LARP7: variants seen among roughly 807,000 people sequenced by gnomAD.
The protein encoded by LARP7 is la-related protein 7.
LARP7 carries 52 observed loss-of-function variants against 69.3 expected under a neutral mutation model. That is an observed-to-expected ratio of 0.75 (90% CI 0.60 to 0.95). The LOEUF is 0.95. Ranked by LOEUF, LARP7 falls within the 40% of genes least tolerant of loss-of-function variation. The pLI is 0.00. For synonymous variants in LARP7, 254 were observed against 215.9 expected, an observed-to-expected ratio of 1.18 and a Z score of -1.55; for missense variants, 733 against 673.0, an observed-to-expected ratio of 1.09 and a Z score of -0.99.
chr4:112,647,219 A>G lies in LARP7; in HGVS notation c.667A>G (p.Lys223Glu). Residue 223 changes from lysine (K) to glutamate (E), a missense_variant, in exon 7 of 13, where the codon AAG (lysine) becomes GAG (glutamate). Coordinates refer to ENST00000344442, the MANE Select transcript of LARP7 (RefSeq NM_016648.4). Reference sequence around the variant, plus strand: ...TACAGAAGAGAAGAAAAAGAAAAAGAAGAAGAAAGGCCGAATGAAAAAGGA... The same window carrying G: ...TACAGAAGAGAAGAAAAAGAAAAAGGAGAAGAAAGGCCGAATGAAAAAGGA... ...RVVEEKKKKK[K>E]KKGRMKKEDN... is the part of the protein sequence containing the mutation. The G allele has an allele frequency of 6.3e-7, 1 of 1,591,810 alleles. No homozygotes were observed. The highest frequency in any genetic ancestry group is 1.9e-5 in the Admixed American group (1 of 53,180).
At chr4:112,647,885 G>GTCATTGGCTTAACAATCCATCAC (rs751269136) in intron 8 of LARP7, 51 bp downstream of exon 8, 1 of 1,301,772 alleles carries the variant, frequency 7.7e-7, no homozygotes, top group African/African-American at 1.5e-5. Flanking sequence ...CATCACCATT[G>GTCATTGGCTTAACAATCCATCAC]CTAAAGTGCA....
Position 112,646,321 on chromosome 4 carries a change from CTAACATATTAACTTTTTCATTTTCTT to C in LARP7, c.203-27_203-2del. 1.8e-6 allele frequency: 2 copies of C among 1,112,522 alleles called. No homozygotes were observed. The highest frequency in any genetic ancestry group is 2.7e-6 in the Non-Finnish European group (2 of 741,804). The allele number at this position is 1,112,522 out of a possible 1,614,324, so 68.9% of individuals were successfully genotyped here. On this transcript the variant is annotated splice_region_variant and splice_polypyrimidine_tract_variant and intron_variant, in intron 2 of 12. Transcript: ENST00000344442. ...AAATTGAATTAATCCTGCTGATACA[CTAACATATTAACTTTTTCATTTTCTT>C]TAGATGTTGATATATCACTACTTGT...
chr4:112,641,698 T>C (rs1427889516), intron 1 of LARP7, among the ~76,000 whole-genome samples: 1 of 152,210 alleles, frequency 6.6e-6, no homozygotes, highest in African/African-American at 2.4e-5. Flanking sequence ...ATTTTAAGGC[T>C]TTTGCCTTTT....
chr4:112,651,534 CAG>C (rs747738728), intron 10 of LARP7, among the ~76,000 whole-genome samples: 12 of 152,284 alleles, frequency 7.9e-5, no homozygotes, highest in Admixed American at 2.0e-4. Context: ...AAAAATTGCT[CAG>C]AGTTATTTCT....
chr4:112,652,625 A>G (rs2048797149), intron 10 of LARP7, among the ~76,000 whole-genome samples: 1 of 152,034 alleles, frequency 6.6e-6, no homozygotes, highest in African/African-American at 2.4e-5. Context: ...TGTTATTAAA[A>G]GTGGAATGAT....
At chr4:112,644,232 A>C in intron 1 of LARP7, 1 of 199,570 alleles carries the variant, frequency 5.0e-6, no homozygotes, top group Non-Finnish European at 9.7e-6. Context: ...ACAAAAGGGA[A>C]ACTGTCTCCA....
At chr4:112,642,604 C>T (rs573852809) in intron 1 of LARP7, among the ~76,000 whole-genome samples, 1 of 152,346 alleles carries the variant, frequency 6.6e-6, no homozygotes, top group African/African-American at 2.4e-5. Flanking sequence ...GCAAATACTG[C>T]TTACCAAAGA....
At chr4:112,639,246 G>GC (rs2047855656) in intron 1 of LARP7, among the ~76,000 whole-genome samples, 1 of 130,728 alleles carries the variant, frequency 7.6e-6, no homozygotes, top group Admixed American at 8.6e-5. Flanking sequence ...GTCTTGCCCT[G>GC]CCGCCCAGGT....
At chr4:112,648,784 C>T (rs2048535450) in intron 8 of LARP7, 1 of 255,036 alleles carries the variant, frequency 3.9e-6, no homozygotes, top group Non-Finnish European at 8.1e-6. Context: ...AGAATCATTA[C>T]AAGGGCCTTT....
At chr4:112,647,646 C>A in intron 7 of LARP7, 44 bp from the exon 8 acceptor site, 1 of 1,499,388 alleles carries the variant, frequency 6.7e-7, no homozygotes, top group South Asian at 1.5e-5. Flanking sequence ...TCACCCATTT[C>A]ACAGCCCCAT....
rs766032176 is a variant in LARP7 at position 112,647,867 on chromosome 4, TAAC to T, written c.1142+36_1142+38del. ...TGTGGTTTAAATTCTGTCATTGGCT[TAAC>T]AATCCATCACCATTGCTAAAGTGCA... On this transcript the variant is annotated intron_variant, in intron 8 of 12. Coordinates refer to ENST00000344442, the MANE Select transcript of LARP7 (RefSeq NM_016648.4). 13 of 1,439,824 alleles carry T rather than the reference TAAC, an allele frequency of 9.0e-6. No individual in the cohort carries two copies. The South Asian group carries it at 1.3e-4, about 14-fold the overall frequency. 89.2% of individuals were successfully genotyped at this position (1,439,824 alleles called of 1,614,324 possible).
chr4:112,644,940 A>ATTTTTT, intron 2 of LARP7, 69 bp downstream of exon 2: 1 of 356,866 alleles, frequency 2.8e-6, no homozygotes, highest in Non-Finnish European at 4.3e-6. Flanking sequence ...ATAAAATAAT[A>ATTTTTT]TATTCTTTTT....
Position 112,646,639 on chromosome 4 carries a change from C to T in LARP7, c.355C>T (p.Pro119Ser). The part of the protein sequence containing the change: ...IRRKKPLGER[P>S]KDEDERTVYV... ...GAGGAAAAAACCTCTGGGGGAAAGA[C>T]CAAAGGATGAGGATGAACGCACAGT... The change falls in exon 4 of 13, where the codon CCA (proline) becomes TCA (serine). Residue 119 changes from proline to serine, a missense_variant. By Grantham distance (74) the Pro-to-Ser change is moderately conservative (BLOSUM62 -1). Coordinates refer to ENST00000344442, the MANE Select transcript of LARP7 (RefSeq NM_016648.4). 6.2e-6 allele frequency: 10 copies of T among 1,605,558 alleles called. No homozygotes were observed. Among genetic ancestry groups the T allele is most frequent in the Non-Finnish European group, 8.5e-6 (10 of 1,175,550 alleles).
At chr4:112,649,067 A>G (rs753766779) in intron 8 of LARP7, among the ~76,000 whole-genome samples, 36 of 152,128 alleles carry the variant, frequency 2.4e-4, no homozygotes, top group Non-Finnish European at 1.9e-4. Flanking sequence ...AAGCATCTAC[A>G]TGTTAAATGT....
chr4:112,653,918 A>AT (rs944211243), intron 11 of LARP7, 150 bp from the exon 12 acceptor site: 26 of 604,224 alleles, frequency 4.3e-5, no homozygotes, highest in Admixed American at 6.0e-5. Context: ...AAAACTAACT[A>AT]TTTTTTTTCT....
intron 1 of LARP7, among the ~76,000 whole-genome samples, chr4:112,641,182 C>A (rs879474520): frequency 6.6e-6 from 1 of 152,022 alleles, no homozygotes; most frequent in Admixed American, 6.6e-5. Flanking sequence ...AGGCAGATCA[C>A]CTGAGGTCAG....
intron 1 of LARP7, among the ~76,000 whole-genome samples, chr4:112,641,385 C>T (rs1469733268): frequency 6.7e-6 from 1 of 148,682 alleles, no homozygotes; most frequent in Non-Finnish European, 1.5e-5. Context: ...GAGACTCCGT[C>T]TCAGGGAAAA....
intron 1 of LARP7, chr4:112,644,412 T>A (rs1352093658): frequency 2.5e-5 from 24 of 965,340 alleles, no homozygotes; most frequent in Non-Finnish European, 3.2e-5. Flanking sequence ...TGTAATTTTT[T>A]ATATTATTCT....
chr4:112,653,238 T>A lies in LARP7; in HGVS notation c.1576+2T>A. 6.4e-7 allele frequency: 1 copy of A among 1,573,962 alleles called. No individual in the cohort carries two copies. Among genetic ancestry groups the A allele is most frequent in the Non-Finnish European group, 8.6e-7 (1 of 1,167,058 alleles). ...GCTGGAAACTCGAGATCCTTTCTGG[T>A]AAAACTTCATAGACGTTTCCTTTTT... is the stretch of plus-strand genomic sequence containing the variant. On this transcript the variant is annotated splice_donor_variant, in intron 11 of 12. Coordinates refer to ENST00000344442, the MANE Select transcript of LARP7 (RefSeq NM_016648.4). LOFTEE classifies it high-confidence loss of function.
Sources: allele counts gnomAD v4.1 joint callset (sites outside exome capture counted in the v4.1 genomes callset), GRCh38; gene constraint gnomAD v4.1.1; transcripts MANE v1.5; gene names NCBI Gene and HGNC (gene_info 2026-07-23, HGNC 2026-07-21).